CERKL: variants seen among roughly 807,000 people sequenced by gnomAD.
CERKL encodes the protein CERK like autophagy regulator.
Under a neutral mutation model 63.4 loss-of-function variants are expected in CERKL, and 61 were observed. The ratio of observed to expected loss-of-function variants is 0.96; its 90% CI spans 0.78 to 1.19. The LOEUF (loss-of-function observed/expected upper bound fraction) is 1.19, where lower values mean the gene tolerates loss of function less well. Ranked by LOEUF, CERKL falls within the 50% of genes most tolerant of loss-of-function variation. The pLI, the probability that CERKL is intolerant of heterozygous loss-of-function variation, is 0.00. For missense variants in CERKL, 675 were observed against 655.5 expected (o/e 1.03, Z -0.33); for synonymous variants, 250 against 230.5 (o/e 1.08, Z -0.77).
intron 3 of CERKL, among the ~76,000 whole-genome samples, chr2:181,570,942 G>T (rs569097822): frequency 2.0e-5 from 3 of 152,066 alleles, no homozygotes; most frequent in African/African-American, 7.2e-5. Context: ...CACTGGACAT[G>T]CAGAAGATAT....
intron 1 of CERKL, among the ~76,000 whole-genome samples, chr2:181,615,183 T>G (rs576429153): frequency 3.2e-4 from 49 of 152,264 alleles, no homozygotes; most frequent in Admixed American, 7.2e-4. Flanking sequence ...TGTATTTTTT[T>G]GGGGGGAAAA....
chr2:181,574,616 T>A (rs1395588945), intron 2 of CERKL, among the ~76,000 whole-genome samples: 1 of 152,110 alleles, frequency 6.6e-6, no homozygotes, highest in East Asian at 1.9e-4. Context: ...TTGGAGCAGG[T>A]GCAAAGCAAA....
chr2:181,630,640 G>T lies in CERKL; in HGVS notation c.238+26129C>A, dbSNP rs571696094. On this transcript the variant is annotated intron_variant, in intron 1 of 12. Transcript: ENST00000410087. The stretch of plus-strand genomic sequence containing the variant: ...ATGAAGGTGGCCACCTGAAAGCCAG[G>T]AAGAGAACCCTCTTCAGAAACCAAC... Among the ~76,000 whole-genome samples, 377 of 152,274 alleles carry T rather than the reference G, an allele frequency of 2.5e-3. 2 individuals are homozygous for T. Among genetic ancestry groups the T allele is most frequent in the African/African-American group, 8.1e-3 (336 of 41,564 alleles).
chr2:181,644,264 G>T (rs954996915), intron 1 of CERKL, among the ~76,000 whole-genome samples: 2 of 152,252 alleles, frequency 1.3e-5, no homozygotes, highest in Non-Finnish European at 2.9e-5. Flanking sequence ...CCATGACCCA[G>T]AGTGGTCTGA....
At chr2:181,554,869 C>T (rs746258911) in intron 5 of CERKL, among the ~76,000 whole-genome samples, 2 of 152,116 alleles carry the variant, frequency 1.3e-5, no homozygotes, top group Non-Finnish European at 2.9e-5. Context: ...ACTAGGCATA[C>T]AGTCATCATA....
chr2:181,589,906 C>G (rs1048993349), intron 2 of CERKL, among the ~76,000 whole-genome samples: 3 of 152,094 alleles, frequency 2.0e-5, no homozygotes, highest in Non-Finnish European at 4.4e-5. Flanking sequence ...CTCACTGCAG[C>G]CTTGACCTCC....
At chr2:181,633,351 G>A (rs1354524083) in intron 1 of CERKL, among the ~76,000 whole-genome samples, 1 of 152,138 alleles carries the variant, frequency 6.6e-6, no homozygotes, top group East Asian at 1.9e-4. Context: ...GCTGAGGGAG[G>A]ACAACAGCTG....
At chr2:181,578,976 G>C (rs1055998481) in intron 2 of CERKL, among the ~76,000 whole-genome samples, 5 of 151,932 alleles carry the variant, frequency 3.3e-5, no homozygotes, top group African/African-American at 1.2e-4. Context: ...TTATCATATA[G>C]TGTTAAATCA....
chr2:181,544,770 A>G lies in CERKL; in HGVS notation c.1295T>C (p.Ile432Thr), dbSNP rs1367413903. Residue 432 changes from isoleucine to threonine, a missense_variant, in exon 11 of 13, where the codon ATA becomes ACA. Coordinates refer to ENST00000410087, the MANE Select transcript of CERKL (RefSeq NM_201548.5). Reference protein sequence around the residue: ...TRLNNGSMALIIARNTSRPEF... With the variant: ...TRLNNGSMALTIARNTSRPEF... ...TGGCCGAGAAGTGTTTCGGGCAATT[A>G]TAAGAGCCATACTTCCATTATTTAA... The G allele has an allele frequency of 5.6e-6, 9 of 1,603,290 alleles. No homozygotes were observed. Among genetic ancestry groups the G allele is most frequent in the Admixed American group, 1.7e-5 (1 of 59,682 alleles).
chr2:181,552,775 C>T (rs543020975), intron 5 of CERKL, among the ~76,000 whole-genome samples: 3 of 152,230 alleles, frequency 2.0e-5, no homozygotes, highest in Admixed American at 1.3e-4. Context: ...TTCAAAACAT[C>T]ACATTGTACA....
At chr2:181,571,837 G>A (rs546580305) in intron 3 of CERKL, among the ~76,000 whole-genome samples, 1 of 152,216 alleles carries the variant, frequency 6.6e-6, no homozygotes, top group African/African-American at 2.4e-5. Flanking sequence ...GATTGACTGC[G>A]CTAATACAGT....
intron 2 of CERKL, among the ~76,000 whole-genome samples, chr2:181,586,889 C>A (rs939265942): frequency 6.6e-6 from 1 of 152,088 alleles, no homozygotes; most frequent in Non-Finnish European, 1.5e-5. Context: ...AGTTAAGAGC[C>A]CAGAACCTTG....
chr2:181,621,769 A>G (rs1354300843), intron 1 of CERKL, among the ~76,000 whole-genome samples: 4 of 152,212 alleles, frequency 2.6e-5, no homozygotes, highest in Non-Finnish European at 5.9e-5. Flanking sequence ...CATGTAATCA[A>G]TGTAAAATAG....
intron 1 of CERKL, among the ~76,000 whole-genome samples, chr2:181,642,420 G>C (rs1403364248): frequency 6.6e-6 from 1 of 152,122 alleles, no homozygotes; most frequent in African/African-American, 2.4e-5. Flanking sequence ...CTCTTGTTTT[G>C]AAATTGTTTT....
intron 1 of CERKL, among the ~76,000 whole-genome samples, chr2:181,648,260 A>G (rs574102274): frequency 1.3e-5 from 2 of 152,226 alleles, no homozygotes; most frequent in Non-Finnish European, 2.9e-5. Flanking sequence ...TTGAAGACAG[A>G]GAATTCTAAA....
chr2:181,606,266 G>T (rs1685678398), intron 1 of CERKL, among the ~76,000 whole-genome samples: 1 of 124,970 alleles, frequency 8.0e-6, no homozygotes, highest in Non-Finnish European at 1.7e-5. Context: ...GACAGGGAGT[G>T]GGGGGTGGGA....
chr2:181,594,393 G>T (rs970020148), intron 2 of CERKL, among the ~76,000 whole-genome samples: 6 of 152,130 alleles, frequency 3.9e-5, no homozygotes, highest in Non-Finnish European at 8.8e-5. Context: ...TTTTGCAGAG[G>T]ATCACCTGGT....
intron 1 of CERKL, among the ~76,000 whole-genome samples, chr2:181,616,332 GC>G (rs1686194710): frequency 6.8e-6 from 1 of 147,976 alleles, no homozygotes; most frequent in African/African-American, 2.5e-5. Context: ...TCTTGCTTCA[GC>G]CTCCCAAGTA....
chr2:181,656,932 A>T lies in CERKL; in HGVS notation c.75T>A (p.Ala25=). 1 of 1,591,790 alleles carries T rather than the reference A, an allele frequency of 6.3e-7. No homozygotes were observed. Among genetic ancestry groups the T allele is most frequent in the Non-Finnish European group, 8.6e-7 (1 of 1,167,906 alleles). Residue 25 remains alanine (A), a synonymous_variant, in exon 1 of 13, where the codon GCT becomes GCA. Coordinates refer to ENST00000410087, the MANE Select transcript of CERKL (RefSeq NM_201548.5). ...GGREEEAPPE[A]AAVPPALLTS... is the part of the protein sequence containing the mutation. ...TTAACAGCGCCGGAGGCACAGCGGCAGCCTCCGGGGGCGCCTCTTCCTCCC... is the reference window on the plus strand; with the variant it reads ...TTAACAGCGCCGGAGGCACAGCGGCTGCCTCCGGGGGCGCCTCTTCCTCCC...
Sources: gnomAD v4.1 joint callset for allele counts (sites outside exome capture counted in the v4.1 genomes callset) on GRCh38, gnomAD v4.1.1 for gene constraint, MANE v1.5 for transcripts, NCBI Gene and HGNC (gene_info 2026-07-23, HGNC 2026-07-21) for gene names.